RASA2: variants seen among roughly 807,000 people sequenced by gnomAD.
RASA2 encodes ras GTPase-activating protein 2.
A neutral mutation model predicts 118.2 loss-of-function variants in RASA2; 155 were observed. That is an observed-to-expected ratio of 1.31 (90% CI 1.15 to 1.50). The LOEUF (loss-of-function observed/expected upper bound fraction) is 1.50, where lower values mean the gene tolerates loss of function less well. RASA2 is among the 40% of genes most tolerant of loss of function. The probability of loss-of-function intolerance (pLI) is 0.00; values close to 1 mark genes in which losing one functional copy is unlikely to be tolerated. For synonymous variants in RASA2, 353 were observed against 349.1 expected, an observed-to-expected ratio of 1.01 and a Z score of -0.12; for missense variants, 1,016 against 1,009.6, an observed-to-expected ratio of 1.01 and a Z score of -0.09.
chr3:141,512,954 T>C (rs1436860901), intron 2 of RASA2, among the ~76,000 whole-genome samples: 1 of 151,872 alleles, frequency 6.6e-6, no homozygotes, highest in Non-Finnish European at 1.5e-5. Context: ...TCTCAGCTAC[T>C]TGGGAGGCTG....
At chr3:141,508,518 C>G (rs575424571) in intron 1 of RASA2, among the ~76,000 whole-genome samples, 1 of 152,228 alleles carries the variant, frequency 6.6e-6, no homozygotes, top group Admixed American at 6.5e-5. Flanking sequence ...GCTGGGACCA[C>G]AGGCATGCAC....
At chr3:141,487,913 C>A (rs1353489125) in intron 1 of RASA2, among the ~76,000 whole-genome samples, 3 of 152,188 alleles carry the variant, frequency 2.0e-5, no homozygotes, top group African/African-American at 7.2e-5. Context: ...GACGGCGTGA[C>A]AGGCGGGACT....
chr3:141,497,143 C>T (rs986393161), intron 1 of RASA2, among the ~76,000 whole-genome samples: 3 of 127,308 alleles, frequency 2.4e-5, no homozygotes, highest in Non-Finnish European at 4.6e-5. Context: ...GGAAGGGGAA[C>T]ATCACACACC....
intron 1 of RASA2, among the ~76,000 whole-genome samples, chr3:141,502,623 T>C (rs2081800894): frequency 6.6e-6 from 1 of 152,210 alleles, no homozygotes. Flanking sequence ...TTTGAAAATA[T>C]ATATCATTCA....
rs150171044 is a variant in RASA2 at position 141,515,124 on chromosome 3, G to T, written c.252-1204G>T. Among the ~76,000 whole-genome samples the T allele has an allele frequency of 3.3e-5, 5 of 152,000 alleles. No individual in the cohort carries two copies. In the South Asian group the frequency reaches 1.0e-3, roughly 32 times the overall value. ...TCATCAACCTCTATACTTTAAATTG[G>T]ATTTTTATTGTTTGTAACTTATAGC... On this transcript the variant is annotated intron_variant, in intron 2 of 23. Transcript: ENST00000286364.
chr3:141,600,636 G>T (rs2107793026), intron 19 of RASA2: 1 of 168,356 alleles, frequency 5.9e-6, no homozygotes, highest in East Asian at 1.8e-4. Context: ...CGGAGCAGGA[G>T]GAGTCCTTCA....
At chr3:141,588,357 A>C (rs2083238353) in intron 19 of RASA2, among the ~76,000 whole-genome samples, 1 of 152,350 alleles carries the variant, frequency 6.6e-6, no homozygotes, top group African/African-American at 2.4e-5. Context: ...AACCCAATGG[A>C]TATAGTAAGC....
chr3:141,546,587 A>G (rs1226902100), intron 5 of RASA2, among the ~76,000 whole-genome samples: 1 of 152,168 alleles, frequency 6.6e-6, no homozygotes, highest in Non-Finnish European at 1.5e-5. Flanking sequence ...TATTCTGGTT[A>G]TTAATCCGTT....
rs2083569318 is a variant in RASA2 at position 141,607,705 on chromosome 3, T to TA, written c.1967dup (p.Asn656LysfsTer34). On this transcript the variant is annotated frameshift_variant, in exon 20 of 24. Coordinates refer to ENST00000286364, the MANE Select transcript of RASA2 (RefSeq NM_006506.5). LOFTEE classifies it high-confidence loss of function. ...AAAGATGCAATCTACACAATCCCAG[T>TA]AAAAAACATTCTTGCTGTGGAAAAA... 3.1e-6 allele frequency: 5 copies of TA among 1,599,110 alleles called. No individual in the cohort carries two copies. The highest frequency in any genetic ancestry group is 2.2e-5 in the East Asian group (1 of 44,446).
intron 5 of RASA2, among the ~76,000 whole-genome samples, chr3:141,543,424 A>G (rs2082434469): frequency 6.6e-6 from 1 of 152,172 alleles, no homozygotes; most frequent in African/African-American, 2.4e-5. Flanking sequence ...TGCTTCAGCC[A>G]TCTAACACAG....
At chr3:141,579,238 A>C (rs2083061383) in intron 15 of RASA2, among the ~76,000 whole-genome samples, 1 of 152,196 alleles carries the variant, frequency 6.6e-6, no homozygotes, top group Non-Finnish European at 1.5e-5. Context: ...TGAATCCGTA[A>C]ATAAAAATGG....
intron 2 of RASA2, among the ~76,000 whole-genome samples, chr3:141,513,505 A>G (rs576808791): frequency 6.6e-6 from 1 of 152,326 alleles, no homozygotes; most frequent in African/African-American, 2.4e-5. Flanking sequence ...AAATAATGCA[A>G]AGAGATACAT....
rs144565084 is a variant in RASA2, at chr3:141,609,947, C to T, written c.2400C>T (p.Ile800=). The change falls in exon 23 of 24, where the codon ATC becomes ATT. Residue 800 remains isoleucine (I), a synonymous_variant. Transcript: ENST00000286364. ...KEPDDYSNFV[I]EDSVTTFKTI... The stretch of plus-strand genomic sequence containing the variant: ...CTGATGATTATTCTAACTTTGTAAT[C>T]GAGGATTCTGTAACAACCTTTAAGA... 51 of 1,606,404 alleles carry T rather than the reference C, an allele frequency of 3.2e-5. No individual in the cohort carries two copies. The highest frequency in any genetic ancestry group is 2.7e-5 in the African/African-American group (2 of 74,406).
chr3:141,579,940 C>T (rs2083075318), intron 15 of RASA2, among the ~76,000 whole-genome samples: 2 of 150,760 alleles, frequency 1.3e-5, no homozygotes, highest in South Asian at 2.1e-4. Context: ...CCTGCAATCC[C>T]AGCTACTTAG....
At chr3:141,500,600 C>T (rs1158443911) in intron 1 of RASA2, among the ~76,000 whole-genome samples, 3 of 152,184 alleles carry the variant, frequency 2.0e-5, no homozygotes, top group Admixed American at 1.3e-4. Flanking sequence ...ACTCGGTATA[C>T]TGCCTGGCAT....
intron 1 of RASA2, among the ~76,000 whole-genome samples, chr3:141,495,387 A>G (rs1361340899): frequency 6.6e-6 from 1 of 152,208 alleles, no homozygotes; most frequent in Non-Finnish European, 1.5e-5. Flanking sequence ...TCCAGATTAT[A>G]TAAATAATTC....
At chr3:141,505,750 A>G (rs1263569336) in intron 1 of RASA2, among the ~76,000 whole-genome samples, 1 of 150,750 alleles carries the variant, frequency 6.6e-6, no homozygotes, top group African/African-American at 2.4e-5. Context: ...TTTTATTTAT[A>G]TTTATTTATA....
chr3:141,498,181 A>G (rs1055239271), intron 1 of RASA2, among the ~76,000 whole-genome samples: 4 of 152,186 alleles, frequency 2.6e-5, no homozygotes, highest in Non-Finnish European at 5.9e-5. Flanking sequence ...ATGTAATCCA[A>G]TTTCATGAAG....
At chr3:141,577,311 A>G (rs1042702356) in intron 15 of RASA2, among the ~76,000 whole-genome samples, 1 of 152,186 alleles carries the variant, frequency 6.6e-6, no homozygotes, top group African/African-American at 2.4e-5. Flanking sequence ...GTTCTACAAG[A>G]GTAATAAAAT....
Sources: gnomAD v4.1 joint callset for allele counts (sites outside exome capture counted in the v4.1 genomes callset) on GRCh38, gnomAD v4.1.1 for gene constraint, MANE v1.5 for transcripts, NCBI Gene and HGNC (gene_info 2026-07-23, HGNC 2026-07-21) for gene names.